The following ADGRA1 variants were observed in gnomAD, a reference collection of about 807,000 sequenced individuals.
ADGRA1 encodes the protein adhesion G protein-coupled receptor A1, also known as G-protein coupled receptor 123.
In ADGRA1, 12 loss-of-function variants were observed where a neutral mutation model predicts 21.3. The observed-to-expected ratio is 0.56, with a 90% CI of 0.36 to 0.91. The LOEUF (loss-of-function observed/expected upper bound fraction) is 0.91, where lower values mean the gene tolerates loss of function less well. Among genes scored for constraint, ADGRA1 ranks in the 40% least tolerant of loss-of-function variants. The pLI, the probability that ADGRA1 is intolerant of heterozygous loss-of-function variation, is 0.01. For synonymous variants in ADGRA1, 385 were observed against 368.8 expected, an observed-to-expected ratio of 1.04 and a Z score of -0.50; for missense variants, 790 against 805.6, an observed-to-expected ratio of 0.98 and a Z score of 0.23.
chr10:133,129,100 C>G lies in ADGRA1; in HGVS notation c.1272C>G (p.Pro424=), dbSNP rs1488842792. The change falls in exon 7 of 7, where the codon CCC becomes CCG. Residue 424 remains proline (P), a synonymous_variant. Transcript: ENST00000392607. ...GCCTTCAGGGCAGAACTAAGCCGCC[C>G]TACTTTAGCCGGCACCCAGCAGAGG... ...HGCLQGRTKP[P]YFSRHPAEEP... is the part of the protein sequence containing the mutation. The G allele has an allele frequency of 6.5e-7, 1 of 1,550,316 alleles. No homozygotes were observed. The highest frequency in any genetic ancestry group is 1.2e-5 in the South Asian group (1 of 84,426).
intron 2 of ADGRA1, among the ~76,000 whole-genome samples, chr10:133,090,379 T>G (rs1851578439): frequency 6.6e-6 from 1 of 152,240 alleles, no homozygotes; most frequent in Non-Finnish European, 1.5e-5. Flanking sequence ...CACCCAAGAC[T>G]GTGAAAGCCT....
At chr10:133,099,302 G>T (rs1851749960) in intron 4 of ADGRA1, among the ~76,000 whole-genome samples, 2 of 152,158 alleles carry the variant, frequency 1.3e-5, no homozygotes, top group South Asian at 4.1e-4. Flanking sequence ...CCCTCCCGGA[G>T]AGAGTGGTGG....
chr10:133,095,505 C>T, intron 2 of ADGRA1: 1 of 856,792 alleles, frequency 1.2e-6, no homozygotes, highest in Non-Finnish European at 1.7e-6. Context: ...GCTCCTCTCC[C>T]AGGTGCCTTC....
At chr10:133,118,540 A>G (rs1852197935) in intron 5 of ADGRA1, among the ~76,000 whole-genome samples, 1 of 152,230 alleles carries the variant, frequency 6.6e-6, no homozygotes, top group Non-Finnish European at 1.5e-5. Context: ...GGGAAGGAGA[A>G]GCAGCACCTT....
Position 133,128,544 on chromosome 10 carries a change from A to G in ADGRA1, c.716A>G (p.Asp239Gly). The G allele has an allele frequency of 6.4e-7, 1 of 1,551,768 alleles. No individual in the cohort carries two copies. Among genetic ancestry groups the G allele is most frequent in the Non-Finnish European group, 8.7e-7 (1 of 1,149,708 alleles). ...GIRPGTPPAHDAPGASVLQNE... is the reference protein window; with the variant it reads ...GIRPGTPPAHGAPGASVLQNE... ...CGGCCAGGCACCCCACCCGCACACG[A>G]TGCCCCCGGCGCCTCCGTGCTGCAG... The change falls in exon 7 of 7, where the codon GAT becomes GGT. Residue 239 changes from aspartate (D) to glycine (G), a missense_variant. Physicochemically the swap from Asp to Gly is moderately conservative, Grantham distance 94. Transcript: ENST00000392607.
At chr10:133,109,972 G>T (rs867664168) in intron 5 of ADGRA1, among the ~76,000 whole-genome samples, 1 of 152,214 alleles carries the variant, frequency 6.6e-6, no homozygotes, top group Non-Finnish European at 1.5e-5. Context: ...GGCATTCCTG[G>T]GTGTGGTTTG....
chr10:133,111,976 GGC>G (rs1852034650), intron 5 of ADGRA1, among the ~76,000 whole-genome samples: 1 of 76,932 alleles, frequency 1.3e-5, no homozygotes, highest in African/African-American at 5.6e-5. Context: ...GCCCACCACA[GGC>G]ACCTCCCTCC....
chr10:133,107,100 A>G (rs576785075), intron 5 of ADGRA1, among the ~76,000 whole-genome samples: 1 of 152,300 alleles, frequency 6.6e-6, no homozygotes, highest in South Asian at 2.1e-4. Flanking sequence ...TTTTGATGTT[A>G]TTATAAATGG....
chr10:133,089,145 C>A, intron 2 of ADGRA1: 1 of 669,792 alleles, frequency 1.5e-6, no homozygotes, highest in Non-Finnish European at 2.1e-6. Context: ...TAATGAGTTG[C>A]AGGCATATGG....
Position 133,125,386 on chromosome 10 carries a change from A to C in ADGRA1, c.402-1847A>C, listed in dbSNP as rs10857783. On this transcript the variant is annotated intron_variant, in intron 5 of 6. Transcript: ENST00000392607. ...TTTCTCCTTTACTTCCTTCTTTTGG[A>C]TTATTTTAATATTTTTAAAAAATTT... Among the ~76,000 whole-genome samples, 17 of 151,880 alleles carry C rather than the reference A, an allele frequency of 1.1e-4. No individual in the cohort carries two copies. The East Asian group carries it at 3.1e-3, about 28-fold the overall frequency.
chr10:133,092,750 G>GAA (rs779862285), intron 2 of ADGRA1, among the ~76,000 whole-genome samples: 28,884 of 96,792 alleles, frequency 0.3, 5,002 homozygotes, highest in East Asian at 0.58. Flanking sequence ...AAATAGGGAG[G>GAA]GAGGAAGGAA....
In ADGRA1 at chr10:133,129,709, G is replaced by T. The variant is rs968520439; in HGVS notation, c.*198G>T. 35 of 278,466 alleles carry T rather than the reference G, an allele frequency of 1.3e-4. No individual in the cohort carries two copies. Among genetic ancestry groups the T allele is most frequent in the African/African-American group, 7.3e-4 (20 of 27,326 alleles). The allele number at this position is 278,466 out of a possible 1,614,324, so 17.2% of individuals were successfully genotyped here. On this transcript the variant is annotated 3_prime_UTR_variant, in exon 7 of 7. Transcript: ENST00000392607. ...GCCCCTTCCTTGTGATCACACCCCT[G>T]CCCCTTCCTTGTGAAAGACCTCAGC...
chr10:133,110,153 T>G (rs59352647), intron 5 of ADGRA1, among the ~76,000 whole-genome samples: 2 of 152,218 alleles, frequency 1.3e-5, no homozygotes, highest in Non-Finnish European at 2.9e-5. Flanking sequence ...AAAGTTCTCC[T>G]GTCCTGGGAG....
Position 133,102,851 on chromosome 10 carries a change from T to A in ADGRA1, c.401+9T>A. ...AGGCAGCCCCTGCTCAGGTACTGAGTGCACATGGGCGCGAGGCCCCGCCAC... is the reference window on the plus strand; with the variant it reads ...AGGCAGCCCCTGCTCAGGTACTGAGAGCACATGGGCGCGAGGCCCCGCCAC... On this transcript the variant is annotated intron_variant, in intron 5 of 6. Coordinates refer to ENST00000392607, the MANE Select transcript of ADGRA1 (RefSeq NM_001083909.3). 1 of 1,599,434 alleles carries A rather than the reference T, an allele frequency of 6.3e-7. No homozygotes were observed.
intron 2 of ADGRA1, among the ~76,000 whole-genome samples, chr10:133,093,437 GA>G (rs1851637185): frequency 6.6e-6 from 1 of 152,230 alleles, no homozygotes; most frequent in African/African-American, 2.4e-5. Context: ...AGAAAGAGGA[GA>G]CACAAATAAG....
chr10:133,092,896 C>T, intron 2 of ADGRA1: 1 of 1,447,084 alleles, frequency 6.9e-7, no homozygotes, highest in South Asian at 1.2e-5. Flanking sequence ...GGAGCCTGAA[C>T]CTGGAAGAAG....
chr10:133,098,944 G>A (rs1274724298), intron 4 of ADGRA1, among the ~76,000 whole-genome samples, 181 bp downstream of exon 4: 1 of 152,250 alleles, frequency 6.6e-6, no homozygotes, highest in Non-Finnish European at 1.5e-5. Context: ...TTGACCCCAG[G>A]GTTGATTCCA....
intron 5 of ADGRA1, among the ~76,000 whole-genome samples, chr10:133,111,172 G>C (rs369220236): frequency 0.085 from 1,956 of 22,966 alleles, 472 homozygotes; most frequent in African/African-American, 0.17. Context: ...CCACCTGCCC[G>C]CCGTGAGCAC....
intron 2 of ADGRA1, chr10:133,093,207 C>T: frequency 1.3e-6 from 2 of 1,593,032 alleles, no homozygotes; most frequent in South Asian, 1.1e-5. Flanking sequence ...AGGCAGCTGG[C>T]ATTCCCCAGG....
Sources: allele counts gnomAD v4.1 joint callset (sites outside exome capture counted in the v4.1 genomes callset), GRCh38; gene constraint gnomAD v4.1.1; transcripts MANE v1.5; gene names NCBI Gene and HGNC (gene_info 2026-07-23, HGNC 2026-07-21).